The following STATH variants were observed in gnomAD, a reference collection of about 807,000 sequenced individuals.
STATH encodes statherin.
In STATH, 11 loss-of-function variants were observed where a neutral mutation model predicts 13.3. The observed-to-expected ratio is 0.83, with a 90% CI of 0.52 to 1.37. The LOEUF (loss-of-function observed/expected upper bound fraction) is 1.37, where lower values mean the gene tolerates loss of function less well. STATH is among the 40% of genes most tolerant of loss of function. STATH has a pLI of 0.00. For synonymous variants in STATH, 25 were observed against 23.6 expected, an observed-to-expected ratio of 1.06 and a Z score of -0.17; for missense variants, 78 against 73.3, an observed-to-expected ratio of 1.06 and a Z score of -0.24.
chr4:69,999,701 A>C lies in STATH; in HGVS notation c.72+14A>C, dbSNP rs1202357260. 6.2e-7 allele frequency: 1 copy of C among 1,611,450 alleles called. No homozygotes were observed. On this transcript the variant is annotated intron_variant, in intron 3 of 5. Transcript: ENST00000246895. The stretch of plus-strand genomic sequence containing the variant: ...TCATCTGAAGAGGTGAGTCATTTTC[A>C]TTCACTGGAAAACTTGTTTTCAGTT...
At chr4:69,999,441 T>C (rs941895051) in intron 2 of STATH, among the ~76,000 whole-genome samples, 1 of 151,946 alleles carries the variant, frequency 6.6e-6, no homozygotes, top group Non-Finnish European at 1.5e-5. Flanking sequence ...AAAACAAGTA[T>C]AAATCCAAAT....
chr4:70,001,591 T>C (rs1253934867), intron 5 of STATH, among the ~76,000 whole-genome samples: 2 of 151,878 alleles, frequency 1.3e-5, no homozygotes, highest in Admixed American at 1.3e-4. Context: ...ATGGAAATGT[T>C]ATCAATTTCT....
At chr4:69,997,536 AT>A (rs1218373330) in intron 1 of STATH, among the ~76,000 whole-genome samples, 3 of 152,164 alleles carry the variant, frequency 2.0e-5, no homozygotes, top group Non-Finnish European at 4.4e-5. Context: ...TTCACTGAAA[AT>A]GTCTTTATTT....
chr4:69,996,488 C>T (rs1433973715), intron 1 of STATH, among the ~76,000 whole-genome samples: 1 of 151,914 alleles, frequency 6.6e-6, no homozygotes, highest in Non-Finnish European at 1.5e-5. Flanking sequence ...TTTCATTGAC[C>T]TTTCCATCAT....
chr4:70,000,208 TTAAAC>T (rs1724618604), intron 4 of STATH: 1 of 179,966 alleles, frequency 5.6e-6, no homozygotes, highest in South Asian at 1.4e-4. Context: ...ACTCATTAAA[TTAAAC>T]AGGTCATGAT....
chr4:70,000,392 G>A (rs185189054), intron 4 of STATH: 24 of 161,158 alleles, frequency 1.5e-4, no homozygotes, highest in Non-Finnish European at 3.0e-4. Flanking sequence ...ACTCTAAAAG[G>A]GATGATGGTT....
At position 69,997,551 on chromosome 4, in the gene STATH, T is replaced by C. The variant is rs75555586; in HGVS notation, c.-15-872T>C. On this transcript the variant is annotated intron_variant, in intron 1 of 5. Coordinates refer to ENST00000246895, the MANE Select transcript of STATH (RefSeq NM_003154.3). ...TTCACTGAAAATGTCTTTATTTAGATGTTTATAATTTACAAATAAATAATC... is the reference window on the plus strand; with the variant it reads ...TTCACTGAAAATGTCTTTATTTAGACGTTTATAATTTACAAATAAATAATC... 7.4e-3 allele frequency among the ~76,000 whole-genome samples: 1,123 copies of C among 152,312 alleles called. 7 individuals are homozygous for C. Among genetic ancestry groups the C allele is most frequent in the Non-Finnish European group, 0.012 (829 of 68,018 alleles).
At chr4:69,999,727 T>C in intron 3 of STATH, 40 bp downstream of exon 3, 1 of 1,611,736 alleles carries the variant, frequency 6.2e-7, no homozygotes, top group Non-Finnish European at 8.5e-7. Context: ...GTTTTCAGTT[T>C]TGTCCTCCCT....
chr4:69,996,067 G>A (rs2109678582), intron 1 of STATH, 42 bp downstream of exon 1: 1 of 152,220 alleles, frequency 6.6e-6, no homozygotes, highest in South Asian at 2.1e-4. Context: ...TCTTAATCTA[G>A]AGTGTTGCTT....
intron 2 of STATH, among the ~76,000 whole-genome samples, chr4:69,999,430 C>T (rs1180292477): frequency 6.6e-6 from 1 of 151,852 alleles, no homozygotes; most frequent in Non-Finnish European, 1.5e-5. Context: ...CTTTTACACA[C>T]AAAACAAGTA....
At chr4:70,001,091 A>G (rs1280124190) in intron 5 of STATH, 109 bp downstream of exon 5, 1 of 706,614 alleles carries the variant, frequency 1.4e-6, no homozygotes, top group African/African-American at 1.8e-5. Flanking sequence ...AGTATAAGAA[A>G]GCAGCCAGCT....
At chr4:70,001,032 A>C in intron 5 of STATH, 50 bp downstream of exon 5, 4 of 1,307,364 alleles carry the variant, frequency 3.1e-6, no homozygotes, top group Non-Finnish European at 4.4e-6. Flanking sequence ...CAGTGCTGAC[A>C]GTTAAAAGAA....
chr4:69,996,652 T>C (rs996229650), intron 1 of STATH, among the ~76,000 whole-genome samples: 2 of 152,146 alleles, frequency 1.3e-5, no homozygotes, highest in Middle Eastern at 3.4e-3. Flanking sequence ...TTATTTTTCA[T>C]TGGGGAAATA....
At chr4:69,998,340 T>A (rs1251560521) in intron 1 of STATH, 83 bp from the exon 2 acceptor site, 1 of 975,318 alleles carries the variant, frequency 1.0e-6, no homozygotes, top group Non-Finnish European at 1.6e-6. Context: ...CTCCCAGTGC[T>A]TTGGAGCGTA....
chr4:70,001,392 G>T (rs1299348132), intron 5 of STATH, among the ~76,000 whole-genome samples: 1 of 151,800 alleles, frequency 6.6e-6, no homozygotes, highest in Non-Finnish European at 1.5e-5. Flanking sequence ...AGTTATAACT[G>T]CAGGGCTTCC....
At chr4:69,997,992 TTCCAGTTTTATCTTCTGATAAACTGC>T (rs1724554781) in intron 1 of STATH, among the ~76,000 whole-genome samples, 1 of 152,158 alleles carries the variant, frequency 6.6e-6, no homozygotes, top group Non-Finnish European at 1.5e-5. Context: ...TTTTGAACTG[TTCCAGTTTTATCTTCTGATAAACTGC>T]TCCAGTTTTA....
Position 70,001,001 on chromosome 4 carries a change from CA to C in STATH, c.*33+20del, listed in dbSNP as rs754596316. ...TATTGAGGTAAGATGGGTTTAGTGA[CA>C]TTTTTTTTACTTTCTGTATCAGTGC... On this transcript the variant is annotated intron_variant, in intron 5 of 5. Coordinates refer to ENST00000246895, the MANE Select transcript of STATH (RefSeq NM_003154.3). 27 of 1,532,124 alleles carry C rather than the reference CA, an allele frequency of 1.8e-5. No individual in the cohort carries two copies. The highest frequency in any genetic ancestry group is 1.7e-4 in the South Asian group (15 of 89,342). 94.9% of individuals were successfully genotyped at this position (1,532,124 alleles called of 1,614,324 possible). A position where few individuals can be genotyped will look rare whatever the true frequency, so the allele number is the denominator to read the frequency against.
chr4:70,001,050 A>C, intron 5 of STATH, 68 bp downstream of exon 5: 1 of 1,139,788 alleles, frequency 8.8e-7, no homozygotes, highest in South Asian at 1.3e-5. Context: ...GAAGAAAAAC[A>C]AAAACAAGAC....
chr4:70,002,198 G>T lies in STATH; in HGVS notation c.*43G>T, dbSNP rs1724687528. ...TTTTTTTTCTGTGCAGGCTTGATTG[G>T]CAAATACGACTTCTACATCCATATT... On this transcript the variant is annotated 3_prime_UTR_variant, in exon 6 of 6. Transcript: ENST00000246895. 6.6e-6 allele frequency: 1 copy of T among 151,200 alleles called. No homozygotes were observed. The highest frequency in any genetic ancestry group is 1.5e-5 in the Non-Finnish European group (1 of 67,644). The allele number at this position is 151,200 out of a possible 1,614,324, so 9.4% of individuals were successfully genotyped here. A position where few individuals can be genotyped will look rare whatever the true frequency, so the allele number is the denominator to read the frequency against.
Sources: gnomAD v4.1 joint callset for allele counts (sites outside exome capture counted in the v4.1 genomes callset) on GRCh38, gnomAD v4.1.1 for gene constraint, MANE v1.5 for transcripts, NCBI Gene and HGNC (gene_info 2026-07-23, HGNC 2026-07-21) for gene names.